UBE2E3: variants seen among roughly 807,000 people sequenced by gnomAD.
The protein encoded by UBE2E3 is ubiquitin-conjugating enzyme E2 E3.
Under a neutral mutation model 23.6 loss-of-function variants are expected in UBE2E3, and 5 were observed. The observed-to-expected ratio is 0.21, with a 90% CI of 0.11 to 0.44. The LOEUF is 0.44. UBE2E3 is among the 20% of genes least tolerant of loss of function. The probability of loss-of-function intolerance (pLI) is 0.99; values close to 1 mark genes in which losing one functional copy is unlikely to be tolerated. For synonymous variants in UBE2E3, 78 were observed against 87.5 expected (o/e 0.89, Z 0.60); for missense variants, 81 against 249.8 (o/e 0.32, Z 4.55).
At chr2:181,023,687 A>G (rs373332374) in intron 3 of UBE2E3, among the ~76,000 whole-genome samples, 64 of 152,280 alleles carry the variant, frequency 4.2e-4, no homozygotes, top group Non-Finnish European at 6.8e-4. Context: ...AAAGGGGTTG[A>G]GAGCATGGAC....
rs548678898 is a variant in UBE2E3 at position 181,020,758 on chromosome 2, A to G, written c.245+36665A>G. On this transcript the variant is annotated intron_variant, in intron 3 of 5. Coordinates refer to ENST00000410062, the MANE Select transcript of UBE2E3 (RefSeq NM_006357.4). ...AAGGTAAATGGTTAAAGTGGGTTTC[A>G]TATGTAATGCATAAGGAAAAAAGTA... 1.1e-4 allele frequency among the ~76,000 whole-genome samples: 16 copies of G among 152,346 alleles called. 1 individual carries two copies. The East Asian group carries it at 3.1e-3, about 29-fold the overall frequency.
intron 3 of UBE2E3, among the ~76,000 whole-genome samples, chr2:181,040,094 T>C (rs1686437793): frequency 6.6e-6 from 1 of 152,238 alleles, no homozygotes; most frequent in South Asian, 2.1e-4. Context: ...AATAATTATT[T>C]TAAGTGGCCA....
intron 3 of UBE2E3, among the ~76,000 whole-genome samples, chr2:181,003,706 C>T (rs62180123): frequency 0.23 from 35,300 of 151,974 alleles, 4,459 homozygotes; most frequent in Non-Finnish European, 0.28. Context: ...TTCTAAGACT[C>T]CTAGCCATGG....
intron 3 of UBE2E3, among the ~76,000 whole-genome samples, chr2:181,030,707 T>A (rs1028528143): frequency 1.1e-4 from 17 of 151,796 alleles, no homozygotes; most frequent in African/African-American, 4.1e-4. Context: ...GTATTTGGGA[T>A]AAGGTGGGGA....
intron 3 of UBE2E3, among the ~76,000 whole-genome samples, chr2:181,005,707 A>G (rs1685129690): frequency 6.6e-6 from 1 of 152,166 alleles, no homozygotes; most frequent in Non-Finnish European, 1.5e-5. Flanking sequence ...TGTTACGGTT[A>G]TATAGTTATA....
intron 3 of UBE2E3, among the ~76,000 whole-genome samples, chr2:181,016,398 T>C (rs541621660): frequency 9.9e-5 from 15 of 152,110 alleles, no homozygotes; most frequent in Non-Finnish European, 1.6e-4. Context: ...TTTGTCTTTA[T>C]CAATAAAAAT....
chr2:181,006,138 G>T (rs757786806), intron 3 of UBE2E3, among the ~76,000 whole-genome samples: 57 of 152,286 alleles, frequency 3.7e-4, no homozygotes, highest in Admixed American at 1.6e-3. Flanking sequence ...GGCAGAACTG[G>T]AGAGGGTAAG....
chr2:181,045,211 A>AT, intron 3 of UBE2E3, among the ~76,000 whole-genome samples: 1 of 152,304 alleles, frequency 6.6e-6, no homozygotes, highest in East Asian at 1.9e-4. Context: ...ACGTTTTCTC[A>AT]TTTGATCAAT....
rs117898568 is a variant in UBE2E3 at position 181,052,000 on chromosome 2, G to A, written c.246-5693G>A. 2.6e-5 allele frequency among the ~76,000 whole-genome samples: 4 copies of A among 151,782 alleles called. No homozygotes were observed. In the East Asian group the frequency reaches 7.8e-4, roughly 30 times the overall value. ...CTGGATACATTTCTGAGTCACTGAG[G>A]TATTTCCATATAGTTTGGCACAATG... On this transcript the variant is annotated intron_variant, in intron 3 of 5. Coordinates refer to ENST00000410062, the MANE Select transcript of UBE2E3 (RefSeq NM_006357.4).
chr2:181,062,664 T>G, intron 5 of UBE2E3, 127 bp from the exon 6 acceptor site: 1 of 429,712 alleles, frequency 2.3e-6, no homozygotes, highest in South Asian at 8.0e-5. Flanking sequence ...CTTTTTCTTT[T>G]GAAAATTTAG....
At chr2:181,043,450 G>A (rs1311814172) in intron 3 of UBE2E3, among the ~76,000 whole-genome samples, 1 of 152,114 alleles carries the variant, frequency 6.6e-6, no homozygotes, top group Non-Finnish European at 1.5e-5. Flanking sequence ...CAGGCTTAGT[G>A]TATAAGATGT....
At chr2:181,039,392 G>A (rs1217984596) in intron 3 of UBE2E3, among the ~76,000 whole-genome samples, 1 of 152,074 alleles carries the variant, frequency 6.6e-6, no homozygotes, top group Non-Finnish European at 1.5e-5. Context: ...AAAAGTGGGT[G>A]CAGACGAGCA....
At chr2:181,039,573 C>T (rs754281312) in intron 3 of UBE2E3, among the ~76,000 whole-genome samples, 2 of 151,988 alleles carry the variant, frequency 1.3e-5, no homozygotes, top group Admixed American at 6.6e-5. Flanking sequence ...GAGTTTGAGA[C>T]CATCCTGAGC....
chr2:181,032,568 T>A (rs1296198781), intron 3 of UBE2E3, among the ~76,000 whole-genome samples: 1 of 152,216 alleles, frequency 6.6e-6, no homozygotes, highest in Non-Finnish European at 1.5e-5. Flanking sequence ...ATTTGACCCA[T>A]TTCTTTATTC....
chr2:181,010,396 G>C (rs1412266788), intron 3 of UBE2E3, among the ~76,000 whole-genome samples: 1 of 152,082 alleles, frequency 6.6e-6, no homozygotes, highest in East Asian at 1.9e-4. Flanking sequence ...GCTGGTAAGA[G>C]TAGTGGGTGT....
chr2:181,053,717 C>G lies in UBE2E3; in HGVS notation c.246-3976C>G, dbSNP rs186541722. ...TTAACACATCATTATCATGCAAAGT[C>G]CCTAGTTTTCATATGGGTTCACTCT... On this transcript the variant is annotated intron_variant, in intron 3 of 5. Transcript: ENST00000410062. Among the ~76,000 whole-genome samples, 952 of 151,856 alleles carry G rather than the reference C, an allele frequency of 6.3e-3. 14 individuals carry two copies. The highest frequency in any genetic ancestry group is 0.021 in the African/African-American group (885 of 41,470).
At chr2:181,045,513 T>G (rs530751716) in intron 3 of UBE2E3, among the ~76,000 whole-genome samples, 1 of 152,300 alleles carries the variant, frequency 6.6e-6, no homozygotes, top group Admixed American at 6.5e-5. Flanking sequence ...TTTCTGCATA[T>G]CTGCTCTCCC....
chr2:180,991,757 T>A (rs1422291705), intron 3 of UBE2E3, among the ~76,000 whole-genome samples: 1 of 152,150 alleles, frequency 6.6e-6, no homozygotes, highest in Non-Finnish European at 1.5e-5. Context: ...ACCAAAAGAT[T>A]GGACACTCCT....
intron 3 of UBE2E3, among the ~76,000 whole-genome samples, chr2:181,017,374 G>A (rs1429608008): frequency 2.0e-5 from 3 of 152,136 alleles, no homozygotes; most frequent in East Asian, 1.9e-4. Flanking sequence ...GGATGGTTGC[G>A]TCTGAGGTTG....
Sources: allele counts gnomAD v4.1 joint callset (sites outside exome capture counted in the v4.1 genomes callset), GRCh38; gene constraint gnomAD v4.1.1; transcripts MANE v1.5; gene names NCBI Gene and HGNC (gene_info 2026-07-23, HGNC 2026-07-21).